The following SASH1 variants were observed in gnomAD, a reference collection of about 807,000 sequenced individuals.
SASH1 encodes the protein SAM and SH3 domain containing 1, also known as SAM and SH3 domain-containing protein 1.
Under a neutral mutation model 125.2 loss-of-function variants are expected in SASH1, and 44 were observed. The observed-to-expected ratio is 0.35, with a 90% confidence interval of 0.28 to 0.45. SASH1 has a LOEUF of 0.45. Ranked by LOEUF, SASH1 falls within the 20% of genes least tolerant of loss-of-function variation. SASH1 has a pLI of 1.00. For synonymous variants in SASH1, 639 were observed against 649.1 expected, an observed-to-expected ratio of 0.98 and a Z score of 0.24; for missense variants, 1,426 against 1,614.5, an observed-to-expected ratio of 0.88 and a Z score of 2.00.
chr6:148,405,824 T>C (rs1784349738), intron 2 of SASH1, among the ~76,000 whole-genome samples: 2 of 152,206 alleles, frequency 1.3e-5, no homozygotes, highest in African/African-American at 4.8e-5. Context: ...GTTCTGTACT[T>C]CTGTATCCCA....
At chr6:148,391,404 G>C (rs543257280) in intron 2 of SASH1, among the ~76,000 whole-genome samples, 1 of 144,396 alleles carries the variant, frequency 6.9e-6, no homozygotes, top group Non-Finnish European at 1.5e-5. Context: ...CACCACGTCC[G>C]GCCTAAAGAC....
intron 1 of SASH1, among the ~76,000 whole-genome samples, chr6:148,280,010 GCAA>G (rs1779292609): frequency 8.8e-6 from 1 of 114,142 alleles, no homozygotes; most frequent in Non-Finnish European, 1.8e-5. Context: ...TCCTCCCCCT[GCAA>G]CACTCCCCCC....
In SASH1 at chr6:148,495,227, G is replaced by A. The variant is rs1305491777; in HGVS notation, c.729+7512G>A. ...TGGCTTAATTTCCATTATGACACAA[G>A]AAAAGGTTAACAGTGTAATCCCTTT... is the stretch of plus-strand genomic sequence containing the variant. On this transcript the variant is annotated intron_variant, in intron 8 of 19. Transcript: ENST00000367467. This position sits in a 1 kb window ranked among gnomAD's most constrained non-coding sequence, Gnocchi z 4.0. Among the ~76,000 whole-genome samples, 3 of 152,226 alleles carry A rather than the reference G, an allele frequency of 2.0e-5. No homozygotes were observed. Among genetic ancestry groups the A allele is most frequent in the Non-Finnish European group, 4.4e-5 (3 of 68,036 alleles).
At chr6:148,396,633 G>C (rs1783964861) in intron 2 of SASH1, among the ~76,000 whole-genome samples, 1 of 152,110 alleles carries the variant, frequency 6.6e-6, no homozygotes, top group African/African-American at 2.4e-5. Flanking sequence ...ATTGTAACCA[G>C]TGCTAATTGT....
At chr6:148,217,070 C>T in the SASH1 span, among the ~76,000 whole-genome samples, 1 of 152,140 alleles carries the variant, frequency 6.6e-6, no homozygotes, top group African/African-American at 2.4e-5. Context: ...TAGCATCCCT[C>T]CAAGCACCGC....
intron 8 of SASH1, among the ~76,000 whole-genome samples, chr6:148,493,660 G>T (rs1300510222): frequency 1.3e-5 from 2 of 152,174 alleles, no homozygotes; most frequent in African/African-American, 2.4e-5. Flanking sequence ...GCTGAAATTA[G>T]ATAATCGCGT....
chr6:148,214,455 T>C, the SASH1 span, among the ~76,000 whole-genome samples: 2 of 152,206 alleles, frequency 1.3e-5, no homozygotes, highest in Non-Finnish European at 2.9e-5. Context: ...TATATCTCTA[T>C]ACTTCATTCT....
intron 4 of SASH1, among the ~76,000 whole-genome samples, chr6:148,446,405 G>C (rs1412446198): frequency 6.6e-6 from 1 of 152,134 alleles, no homozygotes; most frequent in Non-Finnish European, 1.5e-5. Flanking sequence ...ACCGTGCCTG[G>C]CCAGGGTTCT....
At chr6:148,474,348 T>G (rs1229589519) in intron 7 of SASH1, 126 bp downstream of exon 7, 11 of 583,056 alleles carry the variant, frequency 1.9e-5, no homozygotes, top group Non-Finnish European at 1.2e-5. Flanking sequence ...TTTATTCTGT[T>G]TACTTGATAC....
chr6:148,258,970 C>T, the SASH1 span, among the ~76,000 whole-genome samples: 2 of 152,178 alleles, frequency 1.3e-5, no homozygotes, highest in Non-Finnish European at 2.9e-5. Context: ...GCAGCTTTCA[C>T]GTTGACCTCA....
chr6:148,525,066 C>T (rs549228702), intron 10 of SASH1: 93 of 529,310 alleles, frequency 1.8e-4, no homozygotes, highest in African/African-American at 1.7e-3. Context: ...TTCTAGACCT[C>T]TGGGGTAGGC....
intron 10 of SASH1, 161 bp downstream of exon 10, chr6:148,520,054 G>C (rs1780713114): frequency 1.6e-6 from 1 of 611,852 alleles, no homozygotes; most frequent in African/African-American, 1.8e-5. Context: ...CGTCCCTCCA[G>C]AAAAGGCGTC....
chr6:148,304,164 C>T lies in SASH1; in HGVS notation n.74+31787C>T, dbSNP rs533524096. 9.9e-5 allele frequency among the ~76,000 whole-genome samples: 15 copies of T among 151,000 alleles called. No individual in the cohort carries two copies. The South Asian group carries it at 1.9e-3, about 19-fold the overall frequency. On this transcript the variant is annotated intron_variant and non_coding_transcript_variant, in intron 1 of 3. Transcript: ENST00000367469. Reference sequence around the variant, plus strand: ...CTAAAAATACAAAAAAATGGCTGGGCGCAGTGGCTCACGCCTGTAATCCCA... The same window carrying T: ...CTAAAAATACAAAAAAATGGCTGGGTGCAGTGGCTCACGCCTGTAATCCCA...
At position 148,543,684 on chromosome 6, in the gene SASH1, G is replaced by T; in HGVS notation, c.2214G>T (p.Lys738Asn). Residue 738 changes from lysine (K) to asparagine (N), a missense_variant, in exon 18 of 20, where the codon AAG becomes AAT. This residue lies in a region of SASH1 where 634 missense variants were observed against 694.4 expected (regional missense o/e 0.91). Coordinates refer to ENST00000367467, the MANE Select transcript of SASH1 (RefSeq NM_015278.5). The stretch of plus-strand genomic sequence containing the variant: ...AAATATTCCCTTGTCTCACAGGCAA[G>T]ACTCGGAAAGCTAGCCTCCTATCTG... The part of the protein sequence containing the change: ...YESSENLENG[K>N]TRKASLLSAK... 2 of 1,528,950 alleles carry T rather than the reference G, an allele frequency of 1.3e-6. No individual in the cohort carries two copies. Among genetic ancestry groups the T allele is most frequent in the South Asian group, 2.6e-5 (2 of 76,786 alleles). The allele number at this position is 1,528,950 out of a possible 1,614,324, so 94.7% of individuals were successfully genotyped here. A position where few individuals can be genotyped will look rare whatever the true frequency, so the allele number is the denominator to read the frequency against.
rs1011337502 is a variant in SASH1 at position 148,379,143 on chromosome 6, G to C, written c.157-10991G>C. Among the ~76,000 whole-genome samples the C allele has an allele frequency of 4.6e-5, 7 of 152,254 alleles. No individual in the cohort carries two copies. In the East Asian group the frequency reaches 1.4e-3, roughly 29 times the overall value. On this transcript the variant is annotated intron_variant, in intron 1 of 19. Coordinates refer to ENST00000367467, the MANE Select transcript of SASH1 (RefSeq NM_015278.5). ...TTTCGTACTTTATTTAAAGCAAAGTGCATGCCCTCTATATTCCTGCTTAAA... is the reference window on the plus strand; with the variant it reads ...TTTCGTACTTTATTTAAAGCAAAGTCCATGCCCTCTATATTCCTGCTTAAA...
intron 8 of SASH1, among the ~76,000 whole-genome samples, chr6:148,492,101 T>A (rs1236961554): frequency 6.6e-6 from 1 of 152,216 alleles, no homozygotes; most frequent in Non-Finnish European, 1.5e-5. Context: ...CCCTGATTAA[T>A]AGCATCTGAG....
chr6:148,345,192 C>T (rs113272996), intron 1 of SASH1, among the ~76,000 whole-genome samples: 4,946 of 152,232 alleles, frequency 0.032, 115 homozygotes, highest in Admixed American at 0.047. Flanking sequence ...GATTGGGGGC[C>T]TGTTTAAATG....
At chr6:148,272,409 A>T in intron 1 of SASH1, 1 of 469,968 alleles carries the variant, frequency 2.1e-6, no homozygotes, top group Non-Finnish European at 4.4e-6. Flanking sequence ...AAATTTTAAG[A>T]CTGTTTTTGG....
At position 148,307,094 on chromosome 6, in the gene SASH1, T is replaced by TTCTTTCTTTCTTTCTCTC. The variant is rs1240787953; in HGVS notation, n.74+34720_74+34721insTTCTTTCTTTCTCTCTCT. On this transcript the variant is annotated intron_variant and non_coding_transcript_variant, in intron 1 of 3. Transcript: ENST00000367469. ...TTTCTTTCTTTCTTTCTTTCTTTCT[T>TTCTTTCTTTCTTTCTCTC]TCTCTCTCTCTGTCTCTTTCTTTCT... 2.4e-4 allele frequency among the ~76,000 whole-genome samples: 29 copies of TTCTTTCTTTCTTTCTCTC among 120,758 alleles called. 1 individual carries two copies. The highest frequency in any genetic ancestry group is 8.2e-4 in the African/African-American group (26 of 31,620). The allele number at this position is 120,758 out of a possible 152,430, so 79.2% of individuals were successfully genotyped here.
Sources: allele counts gnomAD v4.1 joint callset (sites outside exome capture counted in the v4.1 genomes callset), GRCh38; gene constraint gnomAD v4.1.1; regional missense constraint gnomAD v4.1.1; non-coding constraint Gnocchi (gnomAD v3.1); transcripts MANE v1.5; gene names NCBI Gene and HGNC (gene_info 2026-07-23, HGNC 2026-07-21).